ASIC2: variants seen among roughly 807,000 people sequenced by gnomAD.
ASIC2 encodes acid-sensing ion channel 2.
In ASIC2, 25 loss-of-function variants were observed where a neutral mutation model predicts 57.3. The ratio of observed to expected loss-of-function variants is 0.44; its 90% confidence interval spans 0.32 to 0.61. The LOEUF (loss-of-function observed/expected upper bound fraction) is 0.61. Among genes scored for constraint, ASIC2 ranks in the 20% least tolerant of loss-of-function variants. The probability of loss-of-function intolerance (pLI) is 0.06; values close to 1 mark genes in which losing one functional copy is unlikely to be tolerated. For synonymous variants in ASIC2, 319 were observed against 307.5 expected (o/e 1.04, Z -0.39); for missense variants, 641 against 738.1 (o/e 0.87, Z 1.52).
chr17:33,773,322 CCTAA>C (rs1911170684), intron 1 of ASIC2, among the ~76,000 whole-genome samples: 2 of 152,006 alleles, frequency 1.3e-5, no homozygotes, highest in African/African-American at 2.4e-5. Flanking sequence ...CTATTTCTTT[CCTAA>C]CTAATAACTT....
At chr17:33,735,257 G>A (rs145420966) in intron 1 of ASIC2, among the ~76,000 whole-genome samples, 46 of 152,262 alleles carry the variant, frequency 3.0e-4, no homozygotes, top group African/African-American at 1.1e-3. Flanking sequence ...CATGGAGAAA[G>A]TTTGTTCCCT....
At chr17:33,247,182 A>C (rs1285093618) in intron 1 of ASIC2, among the ~76,000 whole-genome samples, 1 of 152,230 alleles carries the variant, frequency 6.6e-6, no homozygotes, top group Non-Finnish European at 1.5e-5. Flanking sequence ...ATTCCAGAGT[A>C]CATGGGGTGG....
intron 1 of ASIC2, among the ~76,000 whole-genome samples, chr17:33,415,448 T>C (rs1051021058): frequency 3.3e-5 from 5 of 152,336 alleles, no homozygotes; most frequent in Admixed American, 6.5e-5. Context: ...TTTGAATATT[T>C]TAATCTGAGG....
intron 3 of ASIC2, among the ~76,000 whole-genome samples, chr17:33,047,860 A>G (rs1188158796): frequency 2.0e-5 from 3 of 152,210 alleles, no homozygotes; most frequent in Admixed American, 6.5e-5. Context: ...TTTGACAATT[A>G]GGAAGGACTG....
At chr17:33,445,252 AC>A (rs1597729740) in intron 1 of ASIC2, among the ~76,000 whole-genome samples, 1 of 152,088 alleles carries the variant, frequency 6.6e-6, no homozygotes, top group African/African-American at 2.4e-5. Flanking sequence ...ACATGGCAAA[AC>A]CCTGTCTCTA....
intron 1 of ASIC2, among the ~76,000 whole-genome samples, chr17:33,372,945 T>C (rs758429762): frequency 6.6e-6 from 1 of 152,176 alleles, no homozygotes; most frequent in African/African-American, 2.4e-5. Flanking sequence ...CTCTGCACTT[T>C]TCTCTGACCT....
chr17:33,216,883 G>T (rs1445196283), intron 1 of ASIC2, among the ~76,000 whole-genome samples: 1 of 152,176 alleles, frequency 6.6e-6, no homozygotes, highest in African/African-American at 2.4e-5. Context: ...ACCAGTCAGG[G>T]GGTTGTTTGA....
intron 1 of ASIC2, among the ~76,000 whole-genome samples, chr17:33,843,458 GT>G (rs1209577263): frequency 3.3e-5 from 5 of 151,952 alleles, no homozygotes; most frequent in African/African-American, 1.2e-4. Flanking sequence ...AAGTCTCACT[GT>G]TAACCGTTTA....
intron 1 of ASIC2, among the ~76,000 whole-genome samples, chr17:33,185,069 T>G (rs542814568): frequency 6.6e-6 from 1 of 152,348 alleles, no homozygotes; most frequent in South Asian, 2.1e-4. Flanking sequence ...GAATCTCTTA[T>G]TTAAATGAAA....
chr17:34,086,342 A>T lies in ASIC2; in HGVS notation c.555+69636T>A, dbSNP rs1298225180. Among the ~76,000 whole-genome samples, 10 of 152,024 alleles carry T rather than the reference A, an allele frequency of 6.6e-5. No individual in the cohort carries two copies. The South Asian group carries it at 2.1e-3, about 32-fold the overall frequency. ...AGGTTGTTCAGTTTCCATGTAGTTGAGCGGTTTTGAGTGAGTTTCTTAATC... is the reference window on the plus strand; with the variant it reads ...AGGTTGTTCAGTTTCCATGTAGTTGTGCGGTTTTGAGTGAGTTTCTTAATC... On this transcript the variant is annotated intron_variant, in intron 1 of 9. Coordinates refer to the ASIC2 transcript ENST00000359872.
In ASIC2 at chr17:33,293,089, C is replaced by G; in HGVS notation, c.-974G>C. ...GACTGCGGGGACCCGCCAACACCTC[C>G]CGGGGGTGACCCGGACTCGCTGCTC... On this transcript the variant is annotated 5_prime_UTR_variant, in exon 1 of 10. Transcript: ENST00000225823. The G allele has an allele frequency of 1.0e-6, 1 of 960,906 alleles. No homozygotes were observed. 59.5% of individuals were successfully genotyped at this position (960,906 alleles called of 1,614,324 possible).
At chr17:33,875,348 C>G (rs771633861) in intron 1 of ASIC2, among the ~76,000 whole-genome samples, 1 of 152,204 alleles carries the variant, frequency 6.6e-6, no homozygotes, top group South Asian at 2.1e-4. Flanking sequence ...TCACCCAGAT[C>G]GCCATCCCAG....
chr17:33,270,921 G>A (rs1269884964), intron 1 of ASIC2, among the ~76,000 whole-genome samples: 3 of 152,142 alleles, frequency 2.0e-5, no homozygotes, highest in Admixed American at 6.5e-5. Flanking sequence ...ATAATGCTAC[G>A]CAGAGGAGGA....
intron 1 of ASIC2, among the ~76,000 whole-genome samples, chr17:33,697,335 T>C (rs1217520085): frequency 1.3e-5 from 2 of 152,192 alleles, no homozygotes; most frequent in Admixed American, 6.5e-5. Flanking sequence ...CATCTTCACT[T>C]TGAGTAGGCT....
At chr17:33,727,613 C>G (rs1909605539) in intron 1 of ASIC2, among the ~76,000 whole-genome samples, 2 of 152,164 alleles carry the variant, frequency 1.3e-5, no homozygotes, top group Admixed American at 1.3e-4. Context: ...TGTTCCTGCT[C>G]TGGCCATGGA....
intron 1 of ASIC2, among the ~76,000 whole-genome samples, chr17:33,485,098 G>A (rs1355434036): frequency 6.6e-6 from 1 of 152,152 alleles, no homozygotes; most frequent in Non-Finnish European, 1.5e-5. Context: ...CCCACTTTGG[G>A]GCCCACCTGC....
intron 1 of ASIC2, among the ~76,000 whole-genome samples, chr17:33,239,807 T>C (rs1303983814): frequency 6.6e-6 from 1 of 152,220 alleles, no homozygotes; most frequent in Non-Finnish European, 1.5e-5. Context: ...CAGTCAGCAC[T>C]GTGCTTGCTC....
At chr17:33,015,925 C>T in intron 9 of ASIC2, 46 bp downstream of exon 9, 3 of 1,604,490 alleles carry the variant, frequency 1.9e-6, no homozygotes, top group Middle Eastern at 1.7e-4. Flanking sequence ...ACTGCCGGTA[C>T]AAGCCAGAGC....
At chr17:33,851,963 C>T (rs1008302708) in intron 1 of ASIC2, among the ~76,000 whole-genome samples, 1 of 152,220 alleles carries the variant, frequency 6.6e-6, no homozygotes, top group Non-Finnish European at 1.5e-5. Context: ...TGCCTGCAAC[C>T]CCCAAGGCTC....
Sources: gnomAD v4.1 joint callset for allele counts (sites outside exome capture counted in the v4.1 genomes callset) on GRCh38, gnomAD v4.1.1 for gene constraint, MANE v1.5 for transcripts, NCBI Gene and HGNC (gene_info 2026-07-23, HGNC 2026-07-21) for gene names.